AIG1: variants seen among roughly 807,000 people sequenced by gnomAD.
The protein encoded by AIG1 is androgen induced 1.
In AIG1, 23 loss-of-function variants were observed where a neutral mutation model predicts 31.4. That is an observed-to-expected ratio of 0.73 (90% CI 0.53 to 1.04). AIG1 has a LOEUF of 1.04. Among genes scored for constraint, AIG1 ranks in the 50% least tolerant of loss-of-function variants. AIG1 has a pLI of 0.00. For synonymous variants in AIG1, 100 were observed against 110.5 expected, an observed-to-expected ratio of 0.90 and a Z score of 0.60; for missense variants, 274 against 295.0, an observed-to-expected ratio of 0.93 and a Z score of 0.52.
In AIG1 at chr6:143,329,153, A is replaced by C. The variant is rs559086013; in HGVS notation, c.516-4129A>C. 6.6e-6 allele frequency among the ~76,000 whole-genome samples: 1 copy of C among 152,360 alleles called. No homozygotes were observed. The highest frequency in any genetic ancestry group is 2.4e-5 in the African/African-American group (1 of 41,590). ...TTATCTGAGATGGTTTGATGACCTA[A>C]CAAGTTAAGAAAACCAAACCAAAAC... is the stretch of plus-strand genomic sequence containing the variant. On this transcript the variant is annotated intron_variant, in intron 4 of 5. Transcript: ENST00000357847. The surrounding 1 kb of genome is among the most constrained non-coding windows in gnomAD (Gnocchi z 4.9).
chr6:143,116,737 G>T (rs1781772628), intron 1 of AIG1, among the ~76,000 whole-genome samples: 1 of 150,868 alleles, frequency 6.6e-6, no homozygotes, highest in Admixed American at 6.6e-5. Flanking sequence ...GAGTCTAGTA[G>T]TGGTGGGATG....
chr6:143,187,738 CTGGTGCCA>C (rs1293255034), intron 3 of AIG1: 72 of 1,535,564 alleles, frequency 4.7e-5, no homozygotes, highest in Non-Finnish European at 6.0e-5. Context: ...AAGGATTGAC[CTGGTGCCA>C]TGCATGCTGC....
rs573407413 is a variant in AIG1, at chr6:143,285,241, C to A, written c.515+1016C>A. Among the ~76,000 whole-genome samples the A allele has an allele frequency of 5.3e-5, 8 of 151,852 alleles. No individual in the cohort carries two copies. The South Asian group carries it at 1.0e-3, about 20-fold the overall frequency. ...AATCACATGATGCCCCAAATCTGAG[C>A]AGAAAGGAGATTTGCTTCAGGAAGT... is the stretch of plus-strand genomic sequence containing the variant. On this transcript the variant is annotated intron_variant, in intron 4 of 5. Coordinates refer to ENST00000357847, the MANE Select transcript of AIG1 (RefSeq NM_016108.4).
At chr6:143,243,487 T>C (rs1794400789) in intron 3 of AIG1, among the ~76,000 whole-genome samples, 1 of 152,208 alleles carries the variant, frequency 6.6e-6, no homozygotes, top group African/African-American at 2.4e-5. Flanking sequence ...TTTTTTTCAT[T>C]GAATAGCCTC....
chr6:143,162,783 C>T (rs898319880), intron 2 of AIG1, among the ~76,000 whole-genome samples: 1 of 152,178 alleles, frequency 6.6e-6, no homozygotes, highest in Non-Finnish European at 1.5e-5. Flanking sequence ...CACAGTCTAC[C>T]TTCGGGGTCA....
At chr6:143,167,326 C>T (rs1787063657) in intron 3 of AIG1, among the ~76,000 whole-genome samples, 1 of 152,162 alleles carries the variant, frequency 6.6e-6, no homozygotes, top group South Asian at 2.1e-4. Flanking sequence ...ACCTAGATAA[C>T]TCTAATTAGA....
chr6:143,061,054 G>A lies in AIG1; in HGVS notation c.129G>A (p.Thr43=). ...QTYGGSWKFL[T]FIDLVIQAVF... is the part of the protein sequence containing the mutation. ...ACGGAGGGAGCTGGAAATTCCTGAC[G>A]TTCATTGATCTGGTAAGGCCGTCCC... The change falls in exon 1 of 6, where the codon ACG becomes ACA. Residue 43 remains threonine, a synonymous_variant. Coordinates refer to ENST00000357847, the MANE Select transcript of AIG1 (RefSeq NM_016108.4). 1 of 1,612,890 alleles carries A rather than the reference G, an allele frequency of 6.2e-7. No individual in the cohort carries two copies. The highest frequency in any genetic ancestry group is 1.7e-5 in the Admixed American group (1 of 59,966).
rs572519437 is a variant in AIG1, at chr6:143,188,976, C to A, written c.399+23793C>A. 259 of 984,612 alleles carry A rather than the reference C, an allele frequency of 2.6e-4. 3 individuals carry two copies. In the South Asian group the frequency reaches 0.01, roughly 40 times the overall value. 61.0% of individuals were successfully genotyped at this position (984,612 alleles called of 1,614,324 possible). On this transcript the variant is annotated intron_variant, in intron 3 of 5. Transcript: ENST00000357847. ...TTTGTAGTTAAAAAAGTAAGCCATG[C>A]AACTGAGATAAAAGTCAAAGTTATA...
At chr6:143,239,126 A>G (rs1794029769) in intron 3 of AIG1, among the ~76,000 whole-genome samples, 1 of 152,208 alleles carries the variant, frequency 6.6e-6, no homozygotes, top group South Asian at 2.1e-4. Context: ...AAGGGTGTGC[A>G]CAGAGTACAG....
chr6:143,265,055 T>C (rs1796060429), intron 3 of AIG1, among the ~76,000 whole-genome samples: 3 of 152,238 alleles, frequency 2.0e-5, no homozygotes. Flanking sequence ...TTTCTCATCA[T>C]CTAGTTTGTG....
chr6:143,133,408 G>A (rs1783447397), intron 1 of AIG1, among the ~76,000 whole-genome samples: 1 of 152,198 alleles, frequency 6.6e-6, no homozygotes, highest in Middle Eastern at 3.4e-3. Context: ...TCCTGAATGA[G>A]CTTTGAGAAT....
intron 4 of AIG1, among the ~76,000 whole-genome samples, chr6:143,320,395 G>A (rs894124241): frequency 6.6e-6 from 1 of 152,120 alleles, no homozygotes; most frequent in South Asian, 2.1e-4. Flanking sequence ...TCTCAAAGAG[G>A]CATCAGCATT....
chr6:143,171,520 A>G (rs1322249379), intron 3 of AIG1, among the ~76,000 whole-genome samples: 2 of 129,344 alleles, frequency 1.5e-5, no homozygotes, highest in Non-Finnish European at 3.1e-5. Context: ...TATATAATAT[A>G]TATATTTAAT....
Position 143,280,742 on chromosome 6 carries a change from G to A in AIG1, c.400-3368G>A, listed in dbSNP as rs1797289984. Among the ~76,000 whole-genome samples, 1 of 152,188 alleles carries A rather than the reference G, an allele frequency of 6.6e-6. No homozygotes were observed. Among genetic ancestry groups the A allele is most frequent in the Admixed American group, 6.5e-5 (1 of 15,284 alleles). On this transcript the variant is annotated intron_variant, in intron 3 of 5. Coordinates refer to ENST00000357847, the MANE Select transcript of AIG1 (RefSeq NM_016108.4). The surrounding 1 kb of genome is among the most constrained non-coding windows in gnomAD (Gnocchi z 4.1). ...ACTTGAGGGGGAGGTTGGGAGGAGG[G>A]AGAGTAGCAGAAAAGATAACTATTG...
chr6:143,276,321 C>A (rs1043616752), intron 3 of AIG1, among the ~76,000 whole-genome samples: 6 of 152,126 alleles, frequency 3.9e-5, no homozygotes, highest in Admixed American at 3.9e-4. Flanking sequence ...CAAATTTAGT[C>A]CTTAGCCTAT....
chr6:143,080,060 G>T (rs956322063), intron 1 of AIG1, among the ~76,000 whole-genome samples: 1 of 151,340 alleles, frequency 6.6e-6, no homozygotes, highest in African/African-American at 2.5e-5. Context: ...GGTAGGTGTG[G>T]TCACCTTTCC....
At chr6:143,171,533 ATATAT>A (rs1787634734) in intron 3 of AIG1, among the ~76,000 whole-genome samples, 2 of 131,552 alleles carry the variant, frequency 1.5e-5, no homozygotes, top group South Asian at 4.4e-4. Context: ...TATTTAATAT[ATATAT>A]TATATATATA....
intron 1 of AIG1, among the ~76,000 whole-genome samples, chr6:143,065,181 C>G (rs1018220529): frequency 5.3e-5 from 8 of 152,122 alleles, no homozygotes; most frequent in Admixed American, 5.2e-4. Context: ...TGTGGTTTTT[C>G]GGTTGCCCCA....
chr6:143,332,612 T>C (rs1483401861), intron 4 of AIG1, among the ~76,000 whole-genome samples: 1 of 152,216 alleles, frequency 6.6e-6, no homozygotes, highest in Non-Finnish European at 1.5e-5. Flanking sequence ...TGTTGGTGTC[T>C]AGTTGGAAGG....
Sources: gnomAD v4.1 joint callset for allele counts (sites outside exome capture counted in the v4.1 genomes callset) on GRCh38, gnomAD v4.1.1 for gene constraint, Gnocchi (gnomAD v3.1) non-coding constraint, MANE v1.5 for transcripts, NCBI Gene and HGNC (gene_info 2026-07-23, HGNC 2026-07-21) for gene names.